CELF2: variants seen among roughly 807,000 people sequenced by gnomAD.
CELF2 encodes the protein CUG triplet repeat RNA-binding protein 2.
In CELF2, 8 loss-of-function variants were observed where a neutral mutation model predicts 62.6. The observed-to-expected ratio is 0.13, with a 90% CI of 0.07 to 0.23. The LOEUF is 0.23. CELF2 is among the 10% of genes least tolerant of loss of function. The pLI is 1.00. For synonymous variants in CELF2, 258 were observed against 250.0 expected (o/e 1.03, Z -0.30); for missense variants, 333 against 671.0 (o/e 0.50, Z 5.56).
At chr10:10,988,615 T>A (rs983115006) in intron 2 of CELF2, among the ~76,000 whole-genome samples, 1 of 152,028 alleles carries the variant, frequency 6.6e-6, no homozygotes, top group Non-Finnish European at 1.5e-5. Flanking sequence ...CATCACTAAA[T>A]AACTTATCCA....
At chr10:10,823,527 T>A (rs984115546) in intron 1 of CELF2, among the ~76,000 whole-genome samples, 10 of 152,198 alleles carry the variant, frequency 6.6e-5, no homozygotes, top group African/African-American at 2.4e-4. Context: ...CATAAGGGCT[T>A]TTGTTATCTG....
intron 1 of CELF2, among the ~76,000 whole-genome samples, chr10:10,896,819 T>G (rs2062588102): frequency 6.6e-6 from 1 of 152,204 alleles, no homozygotes; most frequent in Admixed American, 6.5e-5. Context: ...TTGTTTCTGG[T>G]ACAGATGCCC....
chr10:11,019,639 G>A (rs1248609205), intron 1 of CELF2, among the ~76,000 whole-genome samples: 1 of 152,144 alleles, frequency 6.6e-6, no homozygotes, highest in African/African-American at 2.4e-5. Flanking sequence ...AATCTGTTAT[G>A]CAAATTGTCT....
rs2096058366 is a variant in CELF2 at position 11,333,026 on chromosome 10, A to T, written c.*3973A>T. ...CCATTTCATTCTGAAACTTCTTATC[A>T]ATTACCTAAATCTCAACGAAAAACA... On this transcript the variant is annotated 3_prime_UTR_variant, in exon 13 of 13. Transcript: ENST00000633077. 1 of 152,438 alleles carries T rather than the reference A, an allele frequency of 6.6e-6. No homozygotes were observed. Among genetic ancestry groups the T allele is most frequent in the Admixed American group, 6.5e-5 (1 of 15,288 alleles). The allele number at this position is 152,438 out of a possible 1,614,324, so 9.4% of individuals were successfully genotyped here.
intron 1 of CELF2, among the ~76,000 whole-genome samples, chr10:11,082,851 C>T (rs1291800): frequency 0.9 from 136,874 of 152,322 alleles, 61,807 homozygotes; most frequent in East Asian, 1. Flanking sequence ...AAGCTGCCTT[C>T]GAGCAAAATG....
intron 7 of CELF2, among the ~76,000 whole-genome samples, chr10:11,274,777 T>C (rs1173434419): frequency 1.3e-5 from 2 of 152,232 alleles, no homozygotes; most frequent in Non-Finnish European, 2.9e-5. Flanking sequence ...AGTCACGCTA[T>C]GTTGGTTTCA....
intron 1 of CELF2, among the ~76,000 whole-genome samples, chr10:11,026,933 A>T (rs151152123): frequency 6.6e-6 from 1 of 152,326 alleles, no homozygotes; most frequent in Non-Finnish European, 1.5e-5. Context: ...CGAGTTGAGC[A>T]TAAGGGTGGC....
Position 11,257,760 on chromosome 10 carries a change from C to T in CELF2, c.426C>T (p.Phe142=), listed in dbSNP as rs376310271. ...TAGCTGTGGAAGACAGAAAATTGTT[C>T]ATAGGAATGGTATCGAAGAAATGTA... ...KSNAVEDRKL[F]IGMVSKKCNE... is the part of the protein sequence containing the mutation. Residue 142 remains phenylalanine (F), a synonymous_variant, in exon 5 of 13, where the codon TTC becomes TTT. Coordinates refer to ENST00000633077, the MANE Select transcript of CELF2 (RefSeq NM_001326342.2). The T allele has an allele frequency of 1.7e-5, 27 of 1,613,832 alleles. No homozygotes were observed. In the African/African-American group the frequency reaches 2.4e-4, roughly 14 times the overall value.
At chr10:10,668,089 C>T in the CELF2 span, among the ~76,000 whole-genome samples, 2 of 152,174 alleles carry the variant, frequency 1.3e-5, no homozygotes, top group African/African-American at 4.8e-5. Flanking sequence ...CAGAAATTTA[C>T]GATGAGCATC....
At chr10:10,665,763 T>G in the CELF2 span, among the ~76,000 whole-genome samples, 1 of 152,216 alleles carries the variant, frequency 6.6e-6, no homozygotes, top group African/African-American at 2.4e-5. Flanking sequence ...CTCCAGGAGA[T>G]GGAGTTAGAA....
intron 1 of CELF2, among the ~76,000 whole-genome samples, chr10:11,089,877 C>T (rs995668791): frequency 1.3e-5 from 2 of 152,120 alleles, no homozygotes; most frequent in African/African-American, 4.8e-5. Context: ...TTTGTAGCAA[C>T]GTGGATGAGT....
At chr10:10,467,874 G>A in the CELF2 span, among the ~76,000 whole-genome samples, 1 of 152,012 alleles carries the variant, frequency 6.6e-6, no homozygotes, top group African/African-American at 2.4e-5. Flanking sequence ...AATAAAAAAT[G>A]TAAACTTTAT....
chr10:11,099,233 G>C (rs1217581485), intron 1 of CELF2, among the ~76,000 whole-genome samples: 3 of 152,170 alleles, frequency 2.0e-5, no homozygotes, highest in Non-Finnish European at 4.4e-5. Context: ...TGCATGGGCT[G>C]TTCTGCTCTT....
the CELF2 span, among the ~76,000 whole-genome samples, chr10:10,759,219 C>A: frequency 1.3e-5 from 2 of 151,842 alleles, no homozygotes; most frequent in Non-Finnish European, 2.9e-5. Flanking sequence ...AGATGCCAGG[C>A]CTAACTCATC....
chr10:10,714,205 G>A, the CELF2 span, among the ~76,000 whole-genome samples: 7 of 152,042 alleles, frequency 4.6e-5, no homozygotes, highest in South Asian at 2.1e-4. Flanking sequence ...CTCAAGAAAA[G>A]CTTTTAAATT....
At chr10:10,754,298 C>T in the CELF2 span, among the ~76,000 whole-genome samples, 17 of 151,944 alleles carry the variant, frequency 1.1e-4, no homozygotes, top group South Asian at 2.1e-4. Context: ...GTACGTGCCT[C>T]GATGCCTGGC....
rs1373932087 is a variant in CELF2 at position 11,046,014 on chromosome 10, A to G, written c.74+27851A>G. ...TGAAAGAAAGGAAACAAAATTTAAA[A>G]TGCTCAGGGTTTGTTTTTAAAGGCA... On this transcript the variant is annotated intron_variant, in intron 1 of 12. Coordinates refer to ENST00000633077, the MANE Select transcript of CELF2 (RefSeq NM_001326342.2). The surrounding 1 kb of genome is among the most constrained non-coding windows in gnomAD (Gnocchi z 4.6). 6.6e-6 allele frequency among the ~76,000 whole-genome samples: 1 copy of G among 152,180 alleles called. No individual in the cohort carries two copies. The highest frequency in any genetic ancestry group is 1.9e-4 in the East Asian group (1 of 5,198).
Position 10,974,572 on chromosome 10 carries a change from G to A in CELF2, c.89+54573G>A, listed in dbSNP as rs559054982. 4.6e-5 allele frequency among the ~76,000 whole-genome samples: 7 copies of A among 152,290 alleles called. No individual in the cohort carries two copies. In the East Asian group the frequency reaches 5.8e-4, roughly 13 times the overall value. On this transcript the variant is annotated intron_variant, in intron 2 of 13. Coordinates refer to the CELF2 transcript ENST00000636488. ...TGAAGAGTCATGCACTGACTCTGCC[G>A]GGATTAGAATTTCAGGTTTTAAACA...
At chr10:11,058,821 C>T (rs1490422633) in intron 1 of CELF2, among the ~76,000 whole-genome samples, 1 of 152,058 alleles carries the variant, frequency 6.6e-6, no homozygotes, top group Non-Finnish European at 1.5e-5. Flanking sequence ...CACTTTGTTG[C>T]CCATGCTGGA....
Sources: allele counts gnomAD v4.1 joint callset (sites outside exome capture counted in the v4.1 genomes callset), GRCh38; gene constraint gnomAD v4.1.1; non-coding constraint Gnocchi (gnomAD v3.1); transcripts MANE v1.5; gene names NCBI Gene and HGNC (gene_info 2026-07-23, HGNC 2026-07-21).